ACP3: variants seen among roughly 807,000 people sequenced by gnomAD.
The protein encoded by ACP3 is prostatic acid phosphatase.
Under a neutral mutation model 45.6 loss-of-function variants are expected in ACP3, and 38 were observed. The observed-to-expected ratio is 0.83, with a 90% CI of 0.64 to 1.09. The LOEUF (loss-of-function observed/expected upper bound fraction) is 1.09. Among genes scored for constraint, ACP3 ranks in the 50% least tolerant of loss-of-function variants. The pLI is 0.00. For synonymous variants in ACP3, 162 were observed against 164.7 expected, an observed-to-expected ratio of 0.98 and a Z score of 0.13; for missense variants, 466 against 463.2, an observed-to-expected ratio of 1.01 and a Z score of -0.05.
chr3:132,323,245 GA>G (rs1937236944), intron 1 of ACP3, among the ~76,000 whole-genome samples: 1 of 151,736 alleles, frequency 6.6e-6, no homozygotes, highest in South Asian at 2.1e-4. Flanking sequence ...GAAATGAGAA[GA>G]TTGGAAAGAA....
At chr3:132,318,202 T>C (rs1484082890) in intron 1 of ACP3, among the ~76,000 whole-genome samples, 1 of 152,226 alleles carries the variant, frequency 6.6e-6, no homozygotes, top group Non-Finnish European at 1.5e-5. Flanking sequence ...GTTGACATTG[T>C]TTGAAAATAG....
intron 4 of ACP3, among the ~76,000 whole-genome samples, chr3:132,333,957 G>A (rs1937445619): frequency 6.6e-6 from 1 of 152,158 alleles, no homozygotes; most frequent in African/African-American, 2.4e-5. Context: ...TGTAATCCCA[G>A]CTACTCAGGA....
chr3:132,343,569 C>T (rs546185644), intron 6 of ACP3, among the ~76,000 whole-genome samples: 9 of 152,170 alleles, frequency 5.9e-5, no homozygotes, highest in African/African-American at 2.2e-4. Flanking sequence ...CTGAGCTATT[C>T]CAAAATGTGG....
intron 8 of ACP3, among the ~76,000 whole-genome samples, 185 bp from the exon 9 acceptor site, chr3:132,352,535 T>C (rs919283236): frequency 1.3e-4 from 20 of 152,126 alleles, no homozygotes; most frequent in Non-Finnish European, 5.9e-5. Flanking sequence ...ATGATACATA[T>C]CTAAATCATA....
chr3:132,336,379 C>A lies in ACP3; in HGVS notation c.457-1077C>A, dbSNP rs138442675. On this transcript the variant is annotated intron_variant, in intron 4 of 9. Transcript: ENST00000336375. ...GGAAGTTCTCACAGTAGTTGAAACA[C>A]AAGTTATGGTGGCTAGGACTGGGAG... Among the ~76,000 whole-genome samples the A allele has an allele frequency of 3.9e-3, 600 of 152,086 alleles. 4 individuals carry two copies. The highest frequency in any genetic ancestry group is 0.013 in the African/African-American group (529 of 41,468).
intron 2 of ACP3, among the ~76,000 whole-genome samples, chr3:132,331,258 C>G (rs1391224991): frequency 4.6e-5 from 7 of 152,208 alleles, no homozygotes; most frequent in Non-Finnish European, 8.8e-5. Context: ...CGAGTCTAAT[C>G]TCATCAGATG....
At chr3:132,348,293 A>T (rs1937640210) in intron 7 of ACP3, among the ~76,000 whole-genome samples, 1 of 152,218 alleles carries the variant, frequency 6.6e-6, no homozygotes, top group African/African-American at 2.4e-5. Context: ...CCACGATAGC[A>T]TGTTCTAATG....
chr3:132,359,334 A>C (rs1262991680), downstream of ACP3, among the ~76,000 whole-genome samples: 2 of 152,114 alleles, frequency 1.3e-5, no homozygotes, highest in Non-Finnish European at 2.9e-5. Context: ...AACACGGTGA[A>C]ACCCCATCTC....
In ACP3 at chr3:132,317,430, C is replaced by T. The variant is rs1380533132; in HGVS notation, c.-27C>T. ...TTGAAGTGGTAGCAGTTCCTCCTAA[C>T]TCCTGCCAGAAACAGCTCTCCTCAA... On this transcript the variant is annotated 5_prime_UTR_variant, in exon 1 of 10. Transcript: ENST00000336375. 1.2e-6 allele frequency: 2 copies of T among 1,605,700 alleles called. No individual in the cohort carries two copies. The highest frequency in any genetic ancestry group is 2.7e-5 in the African/African-American group (2 of 74,542).
chr3:132,338,281 G>GT (rs60620661), intron 5 of ACP3, among the ~76,000 whole-genome samples: 5,205 of 136,194 alleles, frequency 0.038, 182 homozygotes, highest in East Asian at 0.095. Context: ...GTTTTGTTTT[G>GT]TTTTTTTTTT....
intron 5 of ACP3, among the ~76,000 whole-genome samples, chr3:132,342,337 G>A (rs1457716897): frequency 6.6e-6 from 1 of 152,176 alleles, no homozygotes; most frequent in Non-Finnish European, 1.5e-5. Context: ...TGCCTCACAA[G>A]GAACATTTGG....
intron 1 of ACP3, among the ~76,000 whole-genome samples, chr3:132,323,800 T>G (rs1197701741): frequency 6.6e-6 from 1 of 152,192 alleles, no homozygotes; most frequent in African/African-American, 2.4e-5. Context: ...TAAGGACCTT[T>G]AATTTATGCA....
chr3:132,327,780 C>A (rs113630747), intron 1 of ACP3, among the ~76,000 whole-genome samples: 22,270 of 128,290 alleles, frequency 0.17, 1,684 homozygotes, highest in South Asian at 0.21. Flanking sequence ...GGCAACAGAG[C>A]AAGACACTGT....
chr3:132,333,607 A>C (rs1937439461), intron 4 of ACP3: 1 of 152,628 alleles, frequency 6.6e-6, no homozygotes, highest in Non-Finnish European at 1.5e-5. Context: ...CTGGAGTTAA[A>C]TCTACTCCAA....
chr3:132,361,552 T>C (rs1008673299), downstream of ACP3, among the ~76,000 whole-genome samples: 5 of 152,318 alleles, frequency 3.3e-5, no homozygotes, highest in Middle Eastern at 3.4e-3. Context: ...TCCAAGCCTA[T>C]TGTCACCATT....
chr3:132,358,128 AC>A lies in ACP3; in HGVS notation c.*1252del, dbSNP rs1462922050. 3.0e-6 allele frequency: 1 copy of A among 338,186 alleles called. No individual in the cohort carries two copies. Among genetic ancestry groups the A allele is most frequent in the Non-Finnish European group, 4.2e-6 (1 of 238,622 alleles). The allele number at this position is 338,186 out of a possible 1,614,324, so 20.9% of individuals were successfully genotyped here. ...GTATAGGCCAGGCACAGTGGCTCAC[AC>A]CTGTAATCCTTGCATTTTGGAAGGC... On this transcript the variant is annotated 3_prime_UTR_variant, in exon 10 of 10. Coordinates refer to ENST00000336375, the MANE Select transcript of ACP3 (RefSeq NM_001099.5).
Position 132,357,127 on chromosome 3 carries a change from A to C in ACP3, c.*249A>C. The C allele has an allele frequency of 1.7e-6, 2 of 1,198,420 alleles. No individual in the cohort carries two copies. Among genetic ancestry groups the C allele is most frequent in the African/African-American group, 1.6e-5 (1 of 64,364 alleles). The allele number at this position is 1,198,420 out of a possible 1,614,324, so 74.2% of individuals were successfully genotyped here. On this transcript the variant is annotated 3_prime_UTR_variant, in exon 10 of 10. Coordinates refer to ENST00000336375, the MANE Select transcript of ACP3 (RefSeq NM_001099.5). ...AATGTAAAGGGGCAGCAGTGCCAAA[A>C]TATAATCAGAGATAAAGCTTAGGTC...
chr3:132,335,277 A>C (rs186565408), intron 4 of ACP3, among the ~76,000 whole-genome samples: 216 of 152,346 alleles, frequency 1.4e-3, no homozygotes, highest in African/African-American at 4.9e-3. Flanking sequence ...CTTGCCTGAC[A>C]GTAGCTTGGA....
At chr3:132,331,562 GAA>G (rs373257101) in intron 2 of ACP3, 83 bp from the exon 3 acceptor site, 3 of 985,100 alleles carry the variant, frequency 3.0e-6, no homozygotes, top group African/African-American at 3.4e-5. Context: ...CACACATAAT[GAA>G]AAAAAAAATC....
Sources: allele counts gnomAD v4.1 joint callset (sites outside exome capture counted in the v4.1 genomes callset), GRCh38; gene constraint gnomAD v4.1.1; transcripts MANE v1.5; gene names NCBI Gene and HGNC (gene_info 2026-07-23, HGNC 2026-07-21).